KIAA0319L: variants seen among roughly 807,000 people sequenced by gnomAD.
The protein encoded by KIAA0319L is KIAA0319 like, also known as dyslexia-associated protein KIAA0319-like protein.
Under a neutral mutation model 120.1 loss-of-function variants are expected in KIAA0319L, and 55 were observed. That is an observed-to-expected ratio of 0.46 (90% CI 0.37 to 0.57). The LOEUF (loss-of-function observed/expected upper bound fraction) is 0.57. KIAA0319L is among the 20% of genes least tolerant of loss of function. The probability of loss-of-function intolerance (pLI) is 0.00; values close to 1 mark genes in which losing one functional copy is unlikely to be tolerated. For missense variants in KIAA0319L, 1,049 were observed against 1,255.3 expected, an observed-to-expected ratio of 0.84 and a Z score of 2.48; for synonymous variants, 398 against 471.9, an observed-to-expected ratio of 0.84 and a Z score of 2.03.
rs143580043 is a variant in KIAA0319L at position 35,465,886 on chromosome 1, G to A, written c.1201+722C>T. Reference sequence around the variant, plus strand: ...GTTTCCTTGCACAAACTCTCTTTTTGCTTGTTGTCATCTACATAAGACGTG... The same window carrying A: ...GTTTCCTTGCACAAACTCTCTTTTTACTTGTTGTCATCTACATAAGACGTG... On this transcript the variant is annotated intron_variant, in intron 7 of 20. Transcript: ENST00000325722. 1.2e-4 allele frequency among the ~76,000 whole-genome samples: 18 copies of A among 152,192 alleles called. 2 individuals are homozygous for A. Among genetic ancestry groups the A allele is most frequent in the African/African-American group, 3.9e-4 (16 of 41,528 alleles).
chr1:35,472,828 A>AC (rs1213261000), intron 5 of KIAA0319L, among the ~76,000 whole-genome samples: 2 of 138,282 alleles, frequency 1.4e-5, no homozygotes, highest in Non-Finnish European at 3.1e-5. Flanking sequence ...TCTCTCTGCC[A>AC]CCCAGGCTGG....
At chr1:35,447,072 C>G (rs1255307380) in intron 16 of KIAA0319L, among the ~76,000 whole-genome samples, 2 of 152,248 alleles carry the variant, frequency 1.3e-5, no homozygotes, top group South Asian at 4.1e-4. Context: ...CCAGGTACTA[C>G]TGAATTACCA....
chr1:35,544,894 C>T (rs1285147164), intron 2 of KIAA0319L, among the ~76,000 whole-genome samples: 2 of 152,118 alleles, frequency 1.3e-5, no homozygotes, highest in East Asian at 1.9e-4. Context: ...AGAAGGGAAA[C>T]CTGAAGTGAG....
Position 35,484,796 on chromosome 1 carries a change from ATATATATATATTTTT to A in KIAA0319L, c.667-5599_667-5585del, listed in dbSNP as rs1391610531. 5.0e-3 allele frequency among the ~76,000 whole-genome samples: 232 copies of A among 46,830 alleles called. 1 individual carries two copies. The highest frequency in any genetic ancestry group is 0.017 in the African/African-American group (228 of 13,046). The allele number at this position is 46,830 out of a possible 152,430, so 30.7% of individuals were successfully genotyped here. ...TATATATATATATATATATATATATATATATATATATTTTTTTTTTTATTATACTCTAAGTTTTAG... is the reference window on the plus strand; with the variant it reads ...TATATATATATATATATATATATATATTTTTTATTATACTCTAAGTTTTAG... On this transcript the variant is annotated intron_variant, in intron 3 of 20. Transcript: ENST00000325722.
chr1:35,478,034 G>A (rs1313765950), intron 4 of KIAA0319L, among the ~76,000 whole-genome samples: 1 of 152,150 alleles, frequency 6.6e-6, no homozygotes, highest in African/African-American at 2.4e-5. Flanking sequence ...TAAAGAAAAT[G>A]TGGTGCTTAT....
At chr1:35,448,952 T>C (rs932825274) in intron 15 of KIAA0319L, among the ~76,000 whole-genome samples, 2 of 152,252 alleles carry the variant, frequency 1.3e-5, no homozygotes, top group African/African-American at 4.8e-5. Flanking sequence ...TACTTTTGAA[T>C]ATGTCCTAAA....
intron 3 of KIAA0319L, among the ~76,000 whole-genome samples, chr1:35,479,595 G>A (rs1644058793): frequency 6.6e-6 from 1 of 152,076 alleles, no homozygotes; most frequent in Non-Finnish European, 1.5e-5. Flanking sequence ...AGCACTGAAA[G>A]CATAATAAGC....
chr1:35,553,949 T>C (rs1404882878), intron 2 of KIAA0319L, among the ~76,000 whole-genome samples: 1 of 152,164 alleles, frequency 6.6e-6, no homozygotes, highest in Non-Finnish European at 1.5e-5. Context: ...CCTGGGCAAA[T>C]AGCAAGACTA....
intron 7 of KIAA0319L, among the ~76,000 whole-genome samples, chr1:35,464,767 G>A (rs1024040584): frequency 1.6e-4 from 25 of 152,318 alleles, no homozygotes; most frequent in African/African-American, 5.1e-4. Context: ...AAATGGTTTC[G>A]TGGGCCAGGC....
Position 35,433,503 on chromosome 1 carries a change from A to G in KIAA0319L, c.*1391T>C, listed in dbSNP as rs551455763. ...CAGCAGACAGAGTGCACAGTTAAAT[A>G]CCATGTTTAATCATCCCACAATGGA... On this transcript the variant is annotated 3_prime_UTR_variant, in exon 21 of 21. Transcript: ENST00000325722. The G allele has an allele frequency of 2.0e-5, 3 of 152,384 alleles. No individual in the cohort carries two copies. The East Asian group carries it at 5.8e-4, about 29-fold the overall frequency. The allele number at this position is 152,384 out of a possible 1,614,324, so 9.4% of individuals were successfully genotyped here. A position where few individuals can be genotyped will look rare whatever the true frequency, so the allele number is the denominator to read the frequency against.
At chr1:35,458,005 G>A (rs1046591881) in intron 9 of KIAA0319L, among the ~76,000 whole-genome samples, 8 of 152,102 alleles carry the variant, frequency 5.3e-5, no homozygotes, top group Admixed American at 6.5e-5. Context: ...GTGCGATCTC[G>A]GCTCACTGCA....
At chr1:35,530,834 C>T (rs989575940) in intron 2 of KIAA0319L, among the ~76,000 whole-genome samples, 3 of 152,038 alleles carry the variant, frequency 2.0e-5, no homozygotes, top group Admixed American at 6.6e-5. Context: ...ACGATTTCTT[C>T]GGCAACGAAC....
intron 5 of KIAA0319L, among the ~76,000 whole-genome samples, chr1:35,473,839 T>C (rs1290230602): frequency 1.3e-5 from 2 of 152,212 alleles, no homozygotes; most frequent in Non-Finnish European, 2.9e-5. Flanking sequence ...ACATTCTACT[T>C]GACTAACCTT....
At chr1:35,449,423 G>C (rs1641879549) in intron 15 of KIAA0319L, among the ~76,000 whole-genome samples, 2 of 152,206 alleles carry the variant, frequency 1.3e-5, no homozygotes, top group African/African-American at 4.8e-5. Context: ...ATCAGACAAG[G>C]CCTGAGGCTC....
intron 3 of KIAA0319L, among the ~76,000 whole-genome samples, chr1:35,501,283 C>T (rs1644995770): frequency 1.3e-5 from 2 of 152,292 alleles, no homozygotes; most frequent in South Asian, 4.1e-4. Flanking sequence ...ACTGTCAGAT[C>T]TAAATCTACC....
chr1:35,542,324 G>C (rs1646825224), intron 2 of KIAA0319L, among the ~76,000 whole-genome samples: 1 of 152,116 alleles, frequency 6.6e-6, no homozygotes, highest in Admixed American at 6.5e-5. Flanking sequence ...ACAGCACCCA[G>C]TACATTATAA....
intron 20 of KIAA0319L, chr1:35,438,413 G>A (rs1329559199): frequency 6.6e-6 from 1 of 150,638 alleles, no homozygotes; most frequent in Non-Finnish European, 1.5e-5. Flanking sequence ...CCTCAAAAAT[G>A]TATCTAGAAT....
intron 9 of KIAA0319L, among the ~76,000 whole-genome samples, chr1:35,457,758 T>C (rs1642587357): frequency 6.6e-6 from 1 of 152,188 alleles, no homozygotes; most frequent in Admixed American, 6.5e-5. Context: ...TATCCTGCAG[T>C]CTCACCTTTT....
intron 2 of KIAA0319L, among the ~76,000 whole-genome samples, chr1:35,526,490 G>C (rs1468447903): frequency 6.7e-6 from 1 of 148,292 alleles, no homozygotes; most frequent in Non-Finnish European, 1.5e-5. Flanking sequence ...TTGTTGCCCA[G>C]GCTGGAGTGT....
Sources: allele counts gnomAD v4.1 joint callset (sites outside exome capture counted in the v4.1 genomes callset), GRCh38; gene constraint gnomAD v4.1.1; transcripts MANE v1.5; gene names NCBI Gene and HGNC (gene_info 2026-07-23, HGNC 2026-07-21).